OR1L8: variants seen among roughly 807,000 people sequenced by gnomAD.
The protein encoded by OR1L8 is olfactory receptor 1L8.
For missense variants in OR1L8, 330 were observed against 377.4 expected (o/e 0.87, Z 1.04); for synonymous variants, 148 against 147.0 (o/e 1.01, Z -0.05).
At chr9:122,569,640 A>G (rs1829503492) in intron 4 of OR1L8, among the ~76,000 whole-genome samples, 1 of 121,128 alleles carries the variant, frequency 8.3e-6, no homozygotes, top group African/African-American at 3.1e-5. Context: ...TTGCACCACC[A>G]AGATGTTTGA....
At chr9:122,564,138 T>G (rs1829394054), downstream of OR1L8, among the ~76,000 whole-genome samples, 1 of 152,148 alleles carries the variant, frequency 6.6e-6, no homozygotes, top group Admixed American at 6.5e-5. Context: ...TGATGTTGAT[T>G]CCAGGAGACA....
At chr9:122,556,364 T>C in the OR1L8 span, among the ~76,000 whole-genome samples, 1 of 152,070 alleles carries the variant, frequency 6.6e-6, no homozygotes, top group South Asian at 2.1e-4. Flanking sequence ...TTGTCTTTCA[T>C]CCTTTGTCAA....
At chr9:122,561,901 C>T in the OR1L8 span, among the ~76,000 whole-genome samples, 11 of 152,184 alleles carry the variant, frequency 7.2e-5, no homozygotes, top group African/African-American at 2.4e-4. Context: ...GAAACTTACT[C>T]ATCTGGGCTG....
chr9:122,567,456 C>T lies in OR1L8; in HGVS notation c.*92G>A. The T allele has an allele frequency of 1.0e-6, 1 of 958,950 alleles. No individual in the cohort carries two copies. 59.4% of individuals were successfully genotyped at this position (958,950 alleles called of 1,614,324 possible). ...GTCTCACATGGGTCAGAAGTGCTAG[C>T]TTCCAACAGCTTTGACTGTTCACCA... On this transcript the variant is annotated 3_prime_UTR_variant, in exon 5 of 5. Coordinates refer to ENST00000641027, the MANE Select transcript of OR1L8 (RefSeq NM_001004454.2).
intron 1 of OR1L8, among the ~76,000 whole-genome samples, 160 bp downstream of exon 1, chr9:122,583,161 A>G (rs1829758921): frequency 6.6e-6 from 1 of 152,150 alleles, no homozygotes; most frequent in South Asian, 2.1e-4. Flanking sequence ...ACATGGAGTA[A>G]ACAATAAATG....
downstream of OR1L8, among the ~76,000 whole-genome samples, chr9:122,563,637 T>C (rs569927916): frequency 1.4e-4 from 21 of 152,242 alleles, no homozygotes; most frequent in Non-Finnish European, 2.2e-4. Flanking sequence ...TTTGTCTATT[T>C]TTGCTTTTGT....
chr9:122,567,140 T>C lies in OR1L8; in HGVS notation c.*408A>G, dbSNP rs1397896153. Reference sequence around the variant, plus strand: ...TCCTCCTCTTCCTTCATTCTTTCTCTTTTCAATTTTTTTGCAAAAACATTC... The same window carrying C: ...TCCTCCTCTTCCTTCATTCTTTCTCCTTTCAATTTTTTTGCAAAAACATTC... On this transcript the variant is annotated 3_prime_UTR_variant, in exon 5 of 5. Coordinates refer to ENST00000641027, the MANE Select transcript of OR1L8 (RefSeq NM_001004454.2). 4 of 155,228 alleles carry C rather than the reference T, an allele frequency of 2.6e-5. No individual in the cohort carries two copies. The highest frequency in any genetic ancestry group is 6.5e-5 in the Admixed American group (1 of 15,394). 9.6% of individuals were successfully genotyped at this position (155,228 alleles called of 1,614,324 possible).
intron 1 of OR1L8, among the ~76,000 whole-genome samples, chr9:122,579,533 A>G (rs1829712370): frequency 2.0e-5 from 3 of 152,188 alleles, no homozygotes; most frequent in Admixed American, 1.3e-4. Context: ...AGGTTCTTAT[A>G]CATTCTATTA....
intron 1 of OR1L8, among the ~76,000 whole-genome samples, chr9:122,580,164 G>A (rs1478395805): frequency 1.3e-5 from 2 of 151,728 alleles, no homozygotes; most frequent in Non-Finnish European, 1.5e-5. Flanking sequence ...ATGAAAATCT[G>A]CTGCAGAAAA....
chr9:122,553,318 GC>G, the OR1L8 span: 1 of 1,613,900 alleles, frequency 6.2e-7, no homozygotes, highest in South Asian at 1.1e-5. Context: ...ATCTTCCTTG[GC>G]ATGTACCTGG....
the OR1L8 span, chr9:122,553,655 G>T: frequency 6.2e-7 from 1 of 1,614,060 alleles, no homozygotes; most frequent in South Asian, 1.1e-5. Context: ...CACTAATGCT[G>T]GGTGTGTGCT....
At chr9:122,551,643 C>T in the OR1L8 span, among the ~76,000 whole-genome samples, 1 of 151,984 alleles carries the variant, frequency 6.6e-6, no homozygotes, top group Non-Finnish European at 1.5e-5. Context: ...GAATCACATT[C>T]CCGAGACCCA....
At chr9:122,553,451 C>T in the OR1L8 span, 1 of 1,614,174 alleles carries the variant, frequency 6.2e-7, no homozygotes, top group Non-Finnish European at 8.5e-7. Flanking sequence ...CTTCTGCCTC[C>T]ATCCCCAAAA....
At chr9:122,574,564 G>A (rs1411281420) in intron 3 of OR1L8, among the ~76,000 whole-genome samples, 1 of 151,956 alleles carries the variant, frequency 6.6e-6, no homozygotes, top group Non-Finnish European at 1.5e-5. Context: ...TGCTGTAATT[G>A]CTTATTAGTT....
downstream of OR1L8, among the ~76,000 whole-genome samples, chr9:122,563,917 C>G (rs546679338): frequency 6.6e-6 from 1 of 152,256 alleles, no homozygotes; most frequent in African/African-American, 2.4e-5. Context: ...AATCAGTTGG[C>G]TATAGATACA....
At chr9:122,553,189 G>A in the OR1L8 span, 41 of 1,610,360 alleles carry the variant, frequency 2.5e-5, no homozygotes, top group Middle Eastern at 1.7e-4. Flanking sequence ...TTTTATCTGC[G>A]CAGATCACAC....
At chr9:122,552,237 G>T in the OR1L8 span, among the ~76,000 whole-genome samples, 162 of 152,180 alleles carry the variant, frequency 1.1e-3, 1 homozygote, top group East Asian at 0.027. Flanking sequence ...AGCTTCTAAG[G>T]CCAAACTTCT....
the OR1L8 span, chr9:122,553,898 T>G: frequency 1.2e-5 from 19 of 1,614,028 alleles, no homozygotes; most frequent in Non-Finnish European, 1.6e-5. Context: ...GGGCTGTGTT[T>G]GTCATCTCAT....
chr9:122,574,370 A>T (rs558931442), intron 3 of OR1L8, among the ~76,000 whole-genome samples: 6 of 152,160 alleles, frequency 3.9e-5, no homozygotes, highest in African/African-American at 9.6e-5. Context: ...TTTATCTTTC[A>T]TCATGGTTTT....
Sources: gnomAD v4.1 joint callset for allele counts (sites outside exome capture counted in the v4.1 genomes callset) on GRCh38, gnomAD v4.1.1 for gene constraint, MANE v1.5 for transcripts, NCBI Gene and HGNC (gene_info 2026-07-23, HGNC 2026-07-21) for gene names.